PFKFB1: variants seen among roughly 807,000 people sequenced by gnomAD.
PFKFB1 encodes the protein 6-phosphofructo-2-kinase/fructose-2,6-biphosphatase 1.
Under a neutral mutation model 46.4 loss-of-function variants are expected in PFKFB1, and 34 were observed. That is an observed-to-expected ratio of 0.73 (90% CI 0.56 to 0.98). PFKFB1 has a LOEUF of 0.98. PFKFB1 is among the 50% of genes least tolerant of loss of function. The probability of loss-of-function intolerance (pLI) is 0.00; values close to 1 mark genes in which losing one functional copy is unlikely to be tolerated. For missense variants in PFKFB1, 393 were observed against 376.3 expected (o/e 1.04, Z -0.37); for synonymous variants, 119 against 133.8 (o/e 0.89, Z 0.76).
At chrX:54,963,953 C>T (rs1286439341) in intron 1 of PFKFB1, among the ~76,000 whole-genome samples, 2 of 111,757 alleles carry the variant, frequency 1.8e-5, no homozygotes, top group Admixed American at 9.5e-5. Context: ...GCAACAAAAA[C>T]CAGCTTGAAA....
At chrX:54,940,847 C>G in intron 10 of PFKFB1, among the ~76,000 whole-genome samples, 1 of 111,684 alleles carries the variant, frequency 9.0e-6, no homozygotes, top group Non-Finnish European at 1.9e-5. Flanking sequence ...ATGCCATCCC[C>G]ATCAAGCTAC....
At chrX:54,939,962 C>A (rs1227328169) in intron 10 of PFKFB1, among the ~76,000 whole-genome samples, 1 of 111,950 alleles carries the variant, frequency 8.9e-6, no homozygotes, top group African/African-American at 3.3e-5. Flanking sequence ...AGACCAATAT[C>A]CCTGATGAAC....
rs1419476542 is a variant in PFKFB1 at position 54,958,330 on chromosome X, A to G, written c.492T>C (p.Pro164=). Residue 164 remains proline, a synonymous_variant, in exon 6 of 14, where the codon CCT becomes CCC. Transcript: ENST00000375006. ...VFFIESICND[P]GIIAENIRQV... ...CCCTGATGTTTTCTGCAATTATGCC[A>G]GGGTCATTACAAATGGACTCAATGA... 5.9e-6 allele frequency: 7 copies of G among 1,186,253 alleles called. No individual in the cohort carries two copies. The highest frequency in any genetic ancestry group is 1.7e-5 in the African/African-American group (1 of 57,345).
At chrX:54,948,343 T>C (rs1012491375) in intron 9 of PFKFB1, among the ~76,000 whole-genome samples, 4 of 112,537 alleles carry the variant, frequency 3.6e-5, no homozygotes, top group Non-Finnish European at 7.5e-5. Context: ...ACTGGTCTAC[T>C]TGTTCATTCT....
chrX:54,939,620 C>G (rs1019834328), intron 10 of PFKFB1, among the ~76,000 whole-genome samples: 2 of 111,843 alleles, frequency 1.8e-5, no homozygotes, highest in African/African-American at 3.2e-5. Flanking sequence ...AACACCTCTA[C>G]GCAAATAAAC....
At chrX:54,958,222 G>T in intron 6 of PFKFB1, 84 bp downstream of exon 6, 1 of 543,675 alleles carries the variant, frequency 1.8e-6, no homozygotes, top group Non-Finnish European at 3.1e-6. Context: ...TCATGGAGTT[G>T]CCTTAGGCAT....
Position 54,974,263 on chromosome X carries a change from C to T in PFKFB1, c.98-10881G>A, listed in dbSNP as rs149793298. 2.4e-4 allele frequency among the ~76,000 whole-genome samples: 27 copies of T among 112,129 alleles called. No homozygotes were observed. In the East Asian group the frequency reaches 7.3e-3, roughly 30 times the overall value. On this transcript the variant is annotated intron_variant, in intron 1 of 13. Transcript: ENST00000375006. ...CTGGTATAAAAACAGGCACATAGAG[C>T]AATGGAACAAAATTCGGAACCCAGA... is the stretch of plus-strand genomic sequence containing the variant.
intron 1 of PFKFB1, among the ~76,000 whole-genome samples, chrX:54,968,528 A>C (rs1426853640): frequency 9.0e-6 from 1 of 111,300 alleles, no homozygotes; most frequent in African/African-American, 3.3e-5. Context: ...TGAAATAAAA[A>C]CTTAGGAATG....
At chrX:54,938,917 C>T (rs1397267590) in intron 10 of PFKFB1, among the ~76,000 whole-genome samples, 1 of 111,728 alleles carries the variant, frequency 9.0e-6, no homozygotes, top group Non-Finnish European at 1.9e-5. Flanking sequence ...AACTCTCCAC[C>T]CCAAATCAAT....
chrX:54,981,888 T>C (rs1443469592), intron 1 of PFKFB1, among the ~76,000 whole-genome samples: 1 of 111,322 alleles, frequency 9.0e-6, no homozygotes, highest in African/African-American at 3.3e-5. Context: ...TACCTTGAAA[T>C]CTGAAGAGTC....
intron 1 of PFKFB1, among the ~76,000 whole-genome samples, chrX:54,978,816 G>C (rs1934899946): frequency 9.0e-6 from 1 of 111,591 alleles, no homozygotes; most frequent in Non-Finnish European, 1.9e-5. Flanking sequence ...CTAAACATGA[G>C]AAAATATCAG....
At chrX:54,954,382 G>A (rs1198038646) in intron 7 of PFKFB1, among the ~76,000 whole-genome samples, 2 of 110,829 alleles carry the variant, frequency 1.8e-5, no homozygotes, top group African/African-American at 3.3e-5. Flanking sequence ...GCACGGTGGC[G>A]GGCACCTGTA....
At chrX:54,947,025 T>G (rs1252886483) in intron 9 of PFKFB1, among the ~76,000 whole-genome samples, 1 of 111,671 alleles carries the variant, frequency 9.0e-6, no homozygotes, top group Non-Finnish European at 1.9e-5. Flanking sequence ...TCAAATGGAT[T>G]CCTTTTTTCC....
chrX:54,965,464 A>C (rs1237769370), intron 1 of PFKFB1, among the ~76,000 whole-genome samples: 1 of 111,846 alleles, frequency 8.9e-6, no homozygotes, highest in Non-Finnish European at 1.9e-5. Flanking sequence ...TTCTGCAAAA[A>C]TATCCTTCAA....
At chrX:54,996,910 G>A (rs1018493618), upstream of PFKFB1, among the ~76,000 whole-genome samples, 1 of 111,204 alleles carries the variant, frequency 9.0e-6, no homozygotes, top group Non-Finnish European at 1.9e-5. Context: ...CTTGGGACAG[G>A]CCTTGTATTT....
chrX:54,974,258 T>C (rs1235210889), intron 1 of PFKFB1, among the ~76,000 whole-genome samples: 1 of 112,046 alleles, frequency 8.9e-6, no homozygotes, highest in African/African-American at 3.2e-5. Flanking sequence ...AACAGGCACA[T>C]AGAGCAATGG....
chrX:54,949,316 TTGAG>T, intron 8 of PFKFB1, 95 bp from the exon 9 acceptor site: 1 of 683,564 alleles, frequency 1.5e-6, no homozygotes, highest in Non-Finnish European at 2.1e-6. Context: ...CTGCCACAAA[TTGAG>T]TGGTGATGAA....
At chrX:54,985,571 T>C (rs1935092843) in intron 1 of PFKFB1, among the ~76,000 whole-genome samples, 1 of 110,527 alleles carries the variant, frequency 9.0e-6, no homozygotes, top group South Asian at 3.8e-4. Context: ...AATAAGGAAA[T>C]GATACCAGAA....
At chrX:54,967,766 A>G (rs1183034173) in intron 1 of PFKFB1, among the ~76,000 whole-genome samples, 1 of 4,579 alleles carries the variant, frequency 2.2e-4, no homozygotes, top group Non-Finnish European at 4.0e-4. Context: ...CAAAACCACA[A>G]TGAGATACCA....
Sources: allele counts gnomAD v4.1 joint callset (sites outside exome capture counted in the v4.1 genomes callset), GRCh38; gene constraint gnomAD v4.1.1; transcripts MANE v1.5; gene names NCBI Gene and HGNC (gene_info 2026-07-23, HGNC 2026-07-21).